The following CTDSPL2 variants were observed in gnomAD, a reference collection of about 807,000 sequenced individuals.
The protein encoded by CTDSPL2 is CTD small phosphatase like 2, also known as CTD small phosphatase-like protein 2.
In CTDSPL2, 5 loss-of-function variants were observed where a neutral mutation model predicts 60.0. That is an observed-to-expected ratio of 0.08 (90% CI 0.04 to 0.18). The LOEUF is 0.18. CTDSPL2 is among the 10% of genes least tolerant of loss of function. CTDSPL2 has a pLI of 1.00. For missense variants in CTDSPL2, 370 were observed against 548.8 expected, an observed-to-expected ratio of 0.67 and a Z score of 3.26; for synonymous variants, 186 against 189.3, an observed-to-expected ratio of 0.98 and a Z score of 0.14.
chr15:44,437,281 AAGTT>A (rs1204736891), intron 1 of CTDSPL2, among the ~76,000 whole-genome samples: 1 of 152,216 alleles, frequency 6.6e-6, no homozygotes, highest in Non-Finnish European at 1.5e-5. Context: ...GCACATAAGT[AAGTT>A]CTAATTTGTT....
At chr15:44,506,460 A>G in intron 8 of CTDSPL2, among the ~76,000 whole-genome samples, 1 of 127,588 alleles carries the variant, frequency 7.8e-6, no homozygotes. Context: ...TGTGTCACCC[A>G]GACTGGAGTG....
At chr15:44,509,347 G>A (rs1187057820) in intron 8 of CTDSPL2, among the ~76,000 whole-genome samples, 5 of 152,004 alleles carry the variant, frequency 3.3e-5, no homozygotes, top group Admixed American at 6.5e-5. Context: ...GACTACAGGC[G>A]TGCACCACCA....
At chr15:44,524,047 G>A in intron 12 of CTDSPL2, 62 bp from the exon 13 acceptor site, 1 of 1,277,660 alleles carries the variant, frequency 7.8e-7, no homozygotes, top group Non-Finnish European at 1.1e-6. Context: ...AAGAATGTAT[G>A]TTATGAGGAT....
In CTDSPL2 at chr15:44,439,543, TG is replaced by T. The variant is rs760398511; in HGVS notation, c.-25+11782del. Among the ~76,000 whole-genome samples, 1,152 of 141,146 alleles carry T rather than the reference TG, an allele frequency of 8.2e-3. 11 individuals are homozygous for T. The highest frequency in any genetic ancestry group is 0.014 in the East Asian group (66 of 4,690). 92.6% of individuals were successfully genotyped at this position (141,146 alleles called of 152,430 possible). A position where few individuals can be genotyped will look rare whatever the true frequency, so the allele number is the denominator to read the frequency against. The stretch of plus-strand genomic sequence containing the variant: ...AGTCTCTGTATTTTTATGTTTTTTT[TG>T]GGGGGGGGGGAATATTTGCATTATA... On this transcript the variant is annotated intron_variant, in intron 1 of 12. Transcript: ENST00000260327.
chr15:44,469,170 GCA>G (rs1286395564), intron 2 of CTDSPL2, among the ~76,000 whole-genome samples: 6 of 152,152 alleles, frequency 3.9e-5, no homozygotes, highest in African/African-American at 1.4e-4. Context: ...GTAGTGTTTG[GCA>G]CTGTCTGTGG....
rs772862374 is a variant in CTDSPL2 at position 44,465,712 on chromosome 15, C to CTT, written c.186+6531_186+6532dup. On this transcript the variant is annotated intron_variant, in intron 2 of 12. Coordinates refer to ENST00000260327, the MANE Select transcript of CTDSPL2 (RefSeq NM_016396.3). ...TTTATTTGGGAATTTTCCTCCTCCT[C>CTT]TTTTTTTTTTTTTTTTTTTTGGATG... Among the ~76,000 whole-genome samples the CTT allele has an allele frequency of 1.6e-3, 205 of 127,996 alleles. 1 individual carries two copies. Among genetic ancestry groups the CTT allele is most frequent in the African/African-American group, 4.1e-3 (136 of 33,392 alleles). The allele number at this position is 127,996 out of a possible 152,430, so 84.0% of individuals were successfully genotyped here.
chr15:44,455,405 C>T lies in CTDSPL2; in HGVS notation c.-24-3586C>T, dbSNP rs567376040. Among the ~76,000 whole-genome samples the T allele has an allele frequency of 1.8e-4, 27 of 151,974 alleles. No individual in the cohort carries two copies. In the East Asian group the frequency reaches 5.0e-3, roughly 28 times the overall value. ...ACTTCCTCTTTTCCTAATTGAATAC[C>T]CTTTATTTCTTTCTCCTGCCTTATT... On this transcript the variant is annotated intron_variant, in intron 1 of 12. Coordinates refer to ENST00000260327, the MANE Select transcript of CTDSPL2 (RefSeq NM_016396.3).
At chr15:44,476,196 A>G (rs2080912707) in intron 2 of CTDSPL2, among the ~76,000 whole-genome samples, 1 of 151,884 alleles carries the variant, frequency 6.6e-6, no homozygotes, top group African/African-American at 2.4e-5. Flanking sequence ...ATCCTCCTGA[A>G]TAGCTGGGAC....
At chr15:44,436,001 C>G (rs1595691153) in intron 1 of CTDSPL2, among the ~76,000 whole-genome samples, 1 of 151,922 alleles carries the variant, frequency 6.6e-6, no homozygotes, top group African/African-American at 2.4e-5. Context: ...TGTTTTTTCC[C>G]CAAGTCCTCC....
intron 1 of CTDSPL2, among the ~76,000 whole-genome samples, chr15:44,431,716 GTTTTT>G (rs886785067): frequency 8.2e-5 from 11 of 133,660 alleles, no homozygotes; most frequent in Admixed American, 2.2e-4. Flanking sequence ...TTGTTTGTTT[GTTTTT>G]TTTTTTTTTT....
In CTDSPL2 at chr15:44,524,539, C is replaced by A. The variant is rs957919117; in HGVS notation, c.*365C>A. ...ATGAAAATGGACTTTTATTTTCTCT[C>A]TGTTTGGTGCTCTAAGTGGGTTTGT... On this transcript the variant is annotated 3_prime_UTR_variant, in exon 13 of 13. Coordinates refer to ENST00000260327, the MANE Select transcript of CTDSPL2 (RefSeq NM_016396.3). 1.7e-5 allele frequency: 3 copies of A among 175,388 alleles called. No homozygotes were observed. The highest frequency in any genetic ancestry group is 7.1e-5 in the African/African-American group (3 of 42,076). 10.9% of individuals were successfully genotyped at this position (175,388 alleles called of 1,614,324 possible).
chr15:44,525,064 A>G lies in CTDSPL2; in HGVS notation c.*890A>G. 4.5e-6 allele frequency: 1 copy of G among 223,866 alleles called. No homozygotes were observed. Among genetic ancestry groups the G allele is most frequent in the Middle Eastern group, 1.4e-3 (1 of 698 alleles). 13.9% of individuals were successfully genotyped at this position (223,866 alleles called of 1,614,324 possible). On this transcript the variant is annotated 3_prime_UTR_variant, in exon 13 of 13. Transcript: ENST00000260327. ...ATACCTCAGACTTCACTGTGCTCAC[A>G]AATCTTTGAGGAGAAAGTTTGGTCA...
chr15:44,521,937 CAAA>C (rs904398715), intron 12 of CTDSPL2, among the ~76,000 whole-genome samples: 39 of 60,768 alleles, frequency 6.4e-4, no homozygotes, highest in African/African-American at 2.9e-3. Flanking sequence ...GACTCCGTCT[CAAA>C]AAAAAAAAAA....
At chr15:44,444,922 AC>A (rs2080177539) in intron 1 of CTDSPL2, among the ~76,000 whole-genome samples, 2 of 130,866 alleles carry the variant, frequency 1.5e-5, no homozygotes, top group Admixed American at 9.9e-5. Context: ...ATCTCAGCTC[AC>A]TGCAAGCTCC....
intron 2 of CTDSPL2, among the ~76,000 whole-genome samples, chr15:44,475,361 G>T (rs113519843): frequency 3.1e-4 from 47 of 152,026 alleles, no homozygotes; most frequent in African/African-American, 1.1e-3. Flanking sequence ...TCTTCAGGCC[G>T]GGCGTGGTGG....
chr15:44,465,927 C>T (rs1378029678), intron 2 of CTDSPL2, among the ~76,000 whole-genome samples: 1 of 149,118 alleles, frequency 6.7e-6, no homozygotes, highest in African/African-American at 2.5e-5. Context: ...ATTGGCCAGG[C>T]TGGTCTTGAA....
At chr15:44,442,457 A>AG (rs1373383657) in intron 1 of CTDSPL2, among the ~76,000 whole-genome samples, 1 of 151,940 alleles carries the variant, frequency 6.6e-6, no homozygotes, top group East Asian at 1.9e-4. Flanking sequence ...AAAAAAAAAA[A>AG]AAAAAAGATA....
chr15:44,500,738 C>T (rs953032843), intron 8 of CTDSPL2, among the ~76,000 whole-genome samples: 3 of 152,104 alleles, frequency 2.0e-5, no homozygotes, highest in Non-Finnish European at 4.4e-5. Context: ...CTCACAGAAA[C>T]CGTGAAATTT....
chr15:44,439,404 C>G (rs535339196), intron 1 of CTDSPL2, among the ~76,000 whole-genome samples: 23 of 152,194 alleles, frequency 1.5e-4, no homozygotes, highest in African/African-American at 5.3e-4. Flanking sequence ...GCCCCCCCAT[C>G]CCCAGCCGGC....
Sources: allele counts gnomAD v4.1 joint callset (sites outside exome capture counted in the v4.1 genomes callset), GRCh38; gene constraint gnomAD v4.1.1; transcripts MANE v1.5; gene names NCBI Gene and HGNC (gene_info 2026-07-23, HGNC 2026-07-21).